The following INVS variants were observed in gnomAD, a reference collection of about 807,000 sequenced individuals.
The protein encoded by INVS is inversion of embryo turning homolog.
A neutral mutation model predicts 108.8 loss-of-function variants in INVS; 86 were observed. The ratio of observed to expected loss-of-function variants is 0.79; its 90% CI spans 0.66 to 0.95. The LOEUF is 0.95. INVS is among the 40% of genes least tolerant of loss of function. INVS has a pLI of 0.00. For missense variants in INVS, 1,169 were observed against 1,297.4 expected (o/e 0.90, Z 1.52); for synonymous variants, 455 against 473.5 (o/e 0.96, Z 0.51).
At chr9:100,107,903 G>T (rs1436434362) in intron 2 of INVS, among the ~76,000 whole-genome samples, 1 of 152,130 alleles carries the variant, frequency 6.6e-6, no homozygotes, top group African/African-American at 2.4e-5. Flanking sequence ...TTGAAGGAAT[G>T]AATAAATATT....
chr9:100,175,947 C>T, intron 3 of INVS: 1 of 572,470 alleles, frequency 1.7e-6, no homozygotes, highest in Non-Finnish European at 3.4e-6. Context: ...TTGGAAACTG[C>T]TGAAGAAAGC....
chr9:100,176,000 C>A, intron 3 of INVS: 2 of 547,444 alleles, frequency 3.7e-6, no homozygotes, highest in Non-Finnish European at 7.1e-6. Flanking sequence ...TAGTACTCCA[C>A]AAACCATAGA....
chr9:100,180,801 C>G (rs1223632238), intron 3 of INVS, among the ~76,000 whole-genome samples: 1 of 152,134 alleles, frequency 6.6e-6, no homozygotes, highest in African/African-American at 2.4e-5. Context: ...CATCCTGACA[C>G]CAAAACCTGG....
In INVS at chr9:100,271,871, A is replaced by AT. The variant is rs775899820; in HGVS notation, c.1572-979dup. ...TCAATCTTCTTTTATGGTTTCCGAA[A>AT]TTTTTTTTTTTTTTGGAGACGGTGT... On this transcript the variant is annotated intron_variant, in intron 11 of 16. Transcript: ENST00000262457. Among the ~76,000 whole-genome samples, 460 of 145,132 alleles carry AT rather than the reference A, an allele frequency of 3.2e-3. 1 individual carries two copies. Among genetic ancestry groups the AT allele is most frequent in the South Asian group, 5.2e-3 (24 of 4,576 alleles).
At chr9:100,119,673 G>A (rs566889434) in intron 2 of INVS, among the ~76,000 whole-genome samples, 153 of 152,184 alleles carry the variant, frequency 1.0e-3, no homozygotes, top group Non-Finnish European at 1.7e-3. Context: ...TTCTCCTGCC[G>A]CAGGCTCCCG....
chr9:100,184,128 C>CT (rs35750998), intron 3 of INVS, among the ~76,000 whole-genome samples: 1 of 151,956 alleles, frequency 6.6e-6, no homozygotes, highest in Admixed American at 6.6e-5. Context: ...TGAAGTATCG[C>CT]TTTTTTTAAT....
intron 3 of INVS, among the ~76,000 whole-genome samples, chr9:100,178,147 G>A (rs1450907927): frequency 6.6e-6 from 1 of 152,132 alleles, no homozygotes; most frequent in Non-Finnish European, 1.5e-5. Flanking sequence ...AAGACCAAAG[G>A]TAGATAAATC....
At chr9:100,216,098 C>T (rs898117721) in intron 3 of INVS, among the ~76,000 whole-genome samples, 5 of 152,122 alleles carry the variant, frequency 3.3e-5, no homozygotes, top group African/African-American at 1.2e-4. Context: ...CTGTGGGTAT[C>T]TATGTGAGTG....
chr9:100,239,490 A>G (rs547097492), intron 5 of INVS, among the ~76,000 whole-genome samples: 4 of 152,232 alleles, frequency 2.6e-5, no homozygotes, highest in Non-Finnish European at 5.9e-5. Context: ...AAACAAAAGC[A>G]TATCAGGCAA....
At chr9:100,267,340 C>G (rs1400727170) in intron 11 of INVS, among the ~76,000 whole-genome samples, 2 of 152,176 alleles carry the variant, frequency 1.3e-5, no homozygotes, top group Non-Finnish European at 2.9e-5. Flanking sequence ...GGCAATAACT[C>G]AGTCTTTGTT....
chr9:100,225,846 T>C (rs944594433), intron 3 of INVS, among the ~76,000 whole-genome samples: 2 of 152,176 alleles, frequency 1.3e-5, no homozygotes, highest in Non-Finnish European at 2.9e-5. Context: ...GGCCAGCCAC[T>C]ATGTAAATTA....
At chr9:100,191,625 T>C (rs142887579) in intron 3 of INVS, among the ~76,000 whole-genome samples, 11 of 152,332 alleles carry the variant, frequency 7.2e-5, no homozygotes, top group African/African-American at 2.2e-4. Flanking sequence ...TTCACCTTTC[T>C]CTTGCATCTC....
chr9:100,181,866 C>G (rs10989001), intron 3 of INVS, among the ~76,000 whole-genome samples: 85 of 152,014 alleles, frequency 5.6e-4, no homozygotes, highest in African/African-American at 2.0e-3. Context: ...CTTCGAACTA[C>G]ACTACAAGCC....
At chr9:100,257,577 T>A (rs1031779097) in intron 10 of INVS, among the ~76,000 whole-genome samples, 3 of 152,228 alleles carry the variant, frequency 2.0e-5, no homozygotes, top group Admixed American at 2.0e-4. Context: ...ACTGCTTCCT[T>A]CAGGAACTCT....
chr9:100,129,760 A>G (rs890647660), intron 3 of INVS: 1 of 668,374 alleles, frequency 1.5e-6, no homozygotes, highest in Non-Finnish European at 2.8e-6. Flanking sequence ...TACCACATTC[A>G]TCCTGGCCTT....
chr9:100,186,573 G>A (rs750874900), intron 3 of INVS, among the ~76,000 whole-genome samples: 1 of 152,124 alleles, frequency 6.6e-6, no homozygotes, highest in Non-Finnish European at 1.5e-5. Flanking sequence ...CTGGGCTATG[G>A]TGATATTATC....
chr9:100,213,934 C>T (rs1450356869), intron 3 of INVS, among the ~76,000 whole-genome samples: 4 of 152,154 alleles, frequency 2.6e-5, no homozygotes, highest in African/African-American at 7.2e-5. Flanking sequence ...CCAGTAAGAA[C>T]GTTTAGGAAT....
chr9:100,269,419 A>G (rs527433068), intron 11 of INVS, among the ~76,000 whole-genome samples: 8 of 152,298 alleles, frequency 5.3e-5, no homozygotes, highest in African/African-American at 1.9e-4. Flanking sequence ...ACTTATAAAT[A>G]ATGTTTTAAA....
chr9:100,207,137 T>C (rs1178255249), intron 3 of INVS, among the ~76,000 whole-genome samples: 1 of 151,644 alleles, frequency 6.6e-6, no homozygotes, highest in African/African-American at 2.4e-5. Context: ...ATAATAAGTA[T>C]CTTGTGGGAG....
Sources: gnomAD v4.1 joint callset for allele counts (sites outside exome capture counted in the v4.1 genomes callset) on GRCh38, gnomAD v4.1.1 for gene constraint, MANE v1.5 for transcripts, NCBI Gene and HGNC (gene_info 2026-07-23, HGNC 2026-07-21) for gene names.